The following ASIC2 variants were observed in gnomAD, a reference collection of about 807,000 sequenced individuals.
ASIC2 encodes the protein acid-sensing ion channel 2.
A neutral mutation model predicts 57.3 loss-of-function variants in ASIC2; 25 were observed. The ratio of observed to expected loss-of-function variants is 0.44; its 90% confidence interval spans 0.32 to 0.61. The LOEUF (loss-of-function observed/expected upper bound fraction) is 0.61. Ranked by LOEUF, ASIC2 falls within the 20% of genes least tolerant of loss-of-function variation. ASIC2 has a pLI of 0.06. For missense variants in ASIC2, 641 were observed against 738.1 expected, an observed-to-expected ratio of 0.87 and a Z score of 1.52; for synonymous variants, 319 against 307.5, an observed-to-expected ratio of 1.04 and a Z score of -0.39.
chr17:33,263,951 G>A (rs956519590), intron 1 of ASIC2, among the ~76,000 whole-genome samples: 1 of 152,212 alleles, frequency 6.6e-6, no homozygotes, highest in Admixed American at 6.5e-5. Context: ...ATGAGTGGTG[G>A]TAAGTGGAGG....
chr17:33,380,245 CAAAAAAA>C (rs10586872), intron 1 of ASIC2, among the ~76,000 whole-genome samples: 1 of 71,064 alleles, frequency 1.4e-5, no homozygotes, highest in Non-Finnish European at 2.6e-5. Context: ...AACCCTGTCT[CAAAAAAA>C]AAAAAAAAAA....
chr17:33,180,564 C>A (rs561455067), intron 1 of ASIC2, among the ~76,000 whole-genome samples: 1 of 152,128 alleles, frequency 6.6e-6, no homozygotes. Context: ...CCACCACCAC[C>A]ATCATCACCA....
At chr17:33,170,366 C>T (rs1383037667) in intron 1 of ASIC2, among the ~76,000 whole-genome samples, 3 of 152,080 alleles carry the variant, frequency 2.0e-5, no homozygotes, top group African/African-American at 7.2e-5. Flanking sequence ...GAAATGATCT[C>T]CCATTGTTGT....
chr17:33,187,349 A>G (rs1161951094), intron 1 of ASIC2, among the ~76,000 whole-genome samples: 1 of 152,196 alleles, frequency 6.6e-6, no homozygotes, highest in African/African-American at 2.4e-5. Flanking sequence ...CAACTTGACA[A>G]CTTATTGCAG....
chr17:33,739,950 G>C (rs1168717067), intron 1 of ASIC2, among the ~76,000 whole-genome samples: 1 of 93,734 alleles, frequency 1.1e-5, no homozygotes, highest in South Asian at 3.2e-4. Context: ...AGAAAGAAAA[G>C]AAAAAAGAGA....
At chr17:33,601,485 G>A (rs1905113965) in intron 1 of ASIC2, among the ~76,000 whole-genome samples, 1 of 152,226 alleles carries the variant, frequency 6.6e-6, no homozygotes, top group South Asian at 2.1e-4. Flanking sequence ...TCCTGCTTCA[G>A]AGGTACACCT....
intron 1 of ASIC2, among the ~76,000 whole-genome samples, chr17:33,235,554 C>T (rs1484716588): frequency 1.3e-5 from 2 of 152,180 alleles, no homozygotes; most frequent in African/African-American, 2.4e-5. Flanking sequence ...ACTAGGAAAG[C>T]CCGTGGGTAA....
intron 1 of ASIC2, among the ~76,000 whole-genome samples, chr17:33,611,700 G>A (rs1905415117): frequency 6.6e-6 from 1 of 152,244 alleles, no homozygotes; most frequent in Non-Finnish European, 1.5e-5. Flanking sequence ...GAGAAGTTAA[G>A]CTAGATTGTG....
chr17:33,653,442 A>T (rs58340874), intron 1 of ASIC2, among the ~76,000 whole-genome samples: 19 of 152,236 alleles, frequency 1.2e-4, no homozygotes, highest in Admixed American at 2.0e-4. Context: ...AGCTCAGCAC[A>T]TATTATTTAC....
chr17:33,837,881 T>C (rs1487879418), intron 1 of ASIC2, among the ~76,000 whole-genome samples: 1 of 152,132 alleles, frequency 6.6e-6, no homozygotes, highest in Non-Finnish European at 1.5e-5. Flanking sequence ...TCTGTGCTGT[T>C]CTCTCTTTCT....
intron 1 of ASIC2, among the ~76,000 whole-genome samples, chr17:33,354,043 C>G (rs2014268): frequency 6.6e-6 from 1 of 151,922 alleles, no homozygotes; most frequent in Non-Finnish European, 1.5e-5. Flanking sequence ...TTACATGGTG[C>G]GGGCAAGAGG....
chr17:33,972,092 T>C (rs1001516561), intron 1 of ASIC2, among the ~76,000 whole-genome samples: 7 of 152,200 alleles, frequency 4.6e-5, no homozygotes, highest in Non-Finnish European at 1.0e-4. Flanking sequence ...TCTTCAAAGG[T>C]TGAATAATGT....
chr17:33,269,968 C>T (rs1904417780), intron 1 of ASIC2, among the ~76,000 whole-genome samples: 1 of 152,200 alleles, frequency 6.6e-6, no homozygotes, highest in Non-Finnish European at 1.5e-5. Flanking sequence ...TGGGCCAGCC[C>T]AGATGCCTCT....
chr17:33,596,896 T>C (rs997642231), intron 1 of ASIC2, among the ~76,000 whole-genome samples: 10 of 152,236 alleles, frequency 6.6e-5, no homozygotes, highest in African/African-American at 2.4e-4. Context: ...AAAAGAGTAC[T>C]CCAGAGAGGT....
chr17:33,392,949 T>A (rs2141953866), intron 1 of ASIC2, among the ~76,000 whole-genome samples: 1 of 152,318 alleles, frequency 6.6e-6, no homozygotes, highest in Middle Eastern at 3.4e-3. Context: ...AATTAGTAGA[T>A]AAGCCCTGCA....
intron 1 of ASIC2, among the ~76,000 whole-genome samples, chr17:33,318,490 C>T (rs1004370335): frequency 6.6e-6 from 1 of 152,198 alleles, no homozygotes; most frequent in Non-Finnish European, 1.5e-5. Context: ...CTGCTGCCCT[C>T]CCTCGTTTGG....
intron 1 of ASIC2, among the ~76,000 whole-genome samples, chr17:33,273,281 A>G (rs1002317): frequency 0.19 from 29,127 of 152,228 alleles, 3,030 homozygotes; most frequent in Admixed American, 0.25. Flanking sequence ...GGAGTGGAGA[A>G]TTAAAAAGTT....
At chr17:33,964,472 T>C (rs1242326161) in intron 1 of ASIC2, among the ~76,000 whole-genome samples, 1 of 152,206 alleles carries the variant, frequency 6.6e-6, no homozygotes, top group Non-Finnish European at 1.5e-5. Context: ...TCAAGGACCA[T>C]GGTAAAATGA....
chr17:33,087,551 C>T (rs967287189), intron 3 of ASIC2, among the ~76,000 whole-genome samples: 2 of 149,998 alleles, frequency 1.3e-5, no homozygotes, highest in African/African-American at 5.0e-5. Context: ...AACAATATAG[C>T]TCACGTATAG....
Sources: gnomAD v4.1 joint callset for allele counts (sites outside exome capture counted in the v4.1 genomes callset) on GRCh38, gnomAD v4.1.1 for gene constraint, MANE v1.5 for transcripts, NCBI Gene and HGNC (gene_info 2026-07-23, HGNC 2026-07-21) for gene names.